The following IGSF11 variants were observed in gnomAD, a reference collection of about 807,000 sequenced individuals.
IGSF11 encodes the protein CXADR like 1.
In IGSF11, 22 loss-of-function variants were observed where a neutral mutation model predicts 41.0. The observed-to-expected ratio is 0.54, with a 90% confidence interval of 0.38 to 0.77. IGSF11 has a LOEUF of 0.77. Among genes scored for constraint, IGSF11 ranks in the 30% least tolerant of loss-of-function variants. The pLI, the probability that IGSF11 is intolerant of heterozygous loss-of-function variation, is 0.00. For synonymous variants in IGSF11, 219 were observed against 201.3 expected (o/e 1.09, Z -0.74); for missense variants, 444 against 530.8 (o/e 0.84, Z 1.61).
At chr3:119,067,916 T>A (rs1942282288) in intron 1 of IGSF11, among the ~76,000 whole-genome samples, 1 of 152,186 alleles carries the variant, frequency 6.6e-6, no homozygotes. Flanking sequence ...TATTTGTAAT[T>A]TATCTGGCCA....
chr3:119,031,296 T>C (rs1168369220), intron 1 of IGSF11, among the ~76,000 whole-genome samples: 2 of 150,236 alleles, frequency 1.3e-5, no homozygotes, highest in African/African-American at 4.9e-5. Context: ...TAAGTAGTTA[T>C]GGATGAAAAG....
Position 119,126,417 on chromosome 3 carries a change from C to A in IGSF11, c.-14+19396G>T, listed in dbSNP as rs534013091. ...AGGGGAGGGATGGCTGCAGTCTCTG[C>A]AGACCAGCAAACTTAGCTGATCCTC... On this transcript the variant is annotated intron_variant, in intron 1 of 7. Coordinates refer to the IGSF11 transcript ENST00000425327. 3.3e-5 allele frequency among the ~76,000 whole-genome samples: 5 copies of A among 152,356 alleles called. No homozygotes were observed. In the East Asian group the frequency reaches 7.7e-4, roughly 24 times the overall value.
Position 118,930,134 on chromosome 3 carries a change from G to A in IGSF11, c.194C>T (p.Ser65Phe). 6.2e-7 allele frequency: 1 copy of A among 1,613,702 alleles called. No individual in the cohort carries two copies. The highest frequency in any genetic ancestry group is 8.5e-7 in the Non-Finnish European group (1 of 1,179,776). The change falls in exon 2 of 7, where the codon TCC (serine) becomes TTC (phenylalanine). Residue 65 changes from serine to phenylalanine, a missense_variant. Transcript: ENST00000393775. ...TACCTGTTCAGGTTGGTTGGCATTG[G>A]AGAGAGGAGTGACCATCCAAATGAC... ...LNVIWMVTPL[S>F]NANQPEQVIL...
chr3:118,941,746 AACAATTGTG>A (rs1482249327), intron 1 of IGSF11, among the ~76,000 whole-genome samples: 2 of 152,226 alleles, frequency 1.3e-5, no homozygotes, highest in African/African-American at 4.8e-5. Context: ...AAATGGATAA[AACAATTGTG>A]ACACAGCCAT....
intron 1 of IGSF11, among the ~76,000 whole-genome samples, chr3:119,093,111 C>A (rs796115664): frequency 2.9e-4 from 44 of 152,132 alleles, no homozygotes; most frequent in Admixed American, 1.4e-3. Flanking sequence ...TCAACACACA[C>A]AAAAAAATAA....
At chr3:118,997,241 G>A (rs1185297738) in intron 1 of IGSF11, among the ~76,000 whole-genome samples, 1 of 152,154 alleles carries the variant, frequency 6.6e-6, no homozygotes, top group Non-Finnish European at 1.5e-5. Flanking sequence ...ACTATTTCAG[G>A]ACTAAATAAG....
In IGSF11 at chr3:118,930,213, G is replaced by T. The variant is rs2903250; in HGVS notation, c.115C>A (p.Pro39Thr). 0.81 allele frequency: 1,307,669 copies of T among 1,613,618 alleles called. 531,754 individuals are homozygous for T. The highest frequency in any genetic ancestry group is 0.96 in the African/African-American group (71,852 of 75,004). ...GTGAAAGTGCAGGGCAGGACTGCTG[G>T]CTGACCCCGGGCCACCTGGATACTC... ...PGSIQVARGQ[P>T]AVLPCTFTTS... Residue 39 changes from proline (P) to threonine (T), a missense_variant, in exon 2 of 7, where the codon CCA (proline) becomes ACA (threonine). Around this residue, in one of 3 missense-constraint regions of IGSF11, gnomAD observed 193 missense variants for 283.5 expected, o/e 0.68. Coordinates refer to ENST00000393775, the MANE Select transcript of IGSF11 (RefSeq NM_001015887.3).
intron 1 of IGSF11, among the ~76,000 whole-genome samples, chr3:119,023,808 G>A (rs1035796036): frequency 5.3e-5 from 8 of 152,188 alleles, no homozygotes; most frequent in South Asian, 2.1e-4. Flanking sequence ...AATCTGAGCT[G>A]AGAACTCAAA....
chr3:119,119,854 G>A (rs890450575), intron 1 of IGSF11, among the ~76,000 whole-genome samples: 2 of 152,122 alleles, frequency 1.3e-5, no homozygotes, highest in African/African-American at 4.8e-5. Context: ...TGTTAGTTGG[G>A]GCAAAGAAGA....
intron 1 of IGSF11, among the ~76,000 whole-genome samples, chr3:119,131,770 T>C (rs536469864): frequency 6.6e-6 from 1 of 152,020 alleles, no homozygotes; most frequent in African/African-American, 2.4e-5. Flanking sequence ...AAGGTTGAAA[T>C]GAAGGGAAAA....
At chr3:119,079,807 T>C (rs1329244044) in intron 1 of IGSF11, among the ~76,000 whole-genome samples, 1 of 152,204 alleles carries the variant, frequency 6.6e-6, no homozygotes, top group African/African-American at 2.4e-5. Context: ...CCGCATGTTC[T>C]CTTCTGCAAG....
chr3:118,930,863 C>T lies in IGSF11; in HGVS notation c.53-588G>A, dbSNP rs77777503. On this transcript the variant is annotated intron_variant, in intron 1 of 6. Coordinates refer to ENST00000393775, the MANE Select transcript of IGSF11 (RefSeq NM_001015887.3). ...AGTCAAAATCCCAGTAGTCTTTTTG[C>T]AAATGTTGACAAATTCTAAAAAATA... Among the ~76,000 whole-genome samples the T allele has an allele frequency of 5.1e-4, 78 of 152,212 alleles. 1 individual carries two copies. The East Asian group carries it at 0.014, about 27-fold the overall frequency.
At chr3:118,964,081 CA>C (rs1945514294) in intron 1 of IGSF11, among the ~76,000 whole-genome samples, 1 of 152,160 alleles carries the variant, frequency 6.6e-6, no homozygotes, top group African/African-American at 2.4e-5. Flanking sequence ...TACCCATCCC[CA>C]CCCCCAAAGT....
intron 1 of IGSF11, among the ~76,000 whole-genome samples, chr3:118,999,815 T>C (rs1936631570): frequency 6.6e-6 from 1 of 152,126 alleles, no homozygotes; most frequent in African/African-American, 2.4e-5. Flanking sequence ...TAAAAAATAA[T>C]TCATAGAGCA....
chr3:119,102,045 G>A (rs1338443032), intron 1 of IGSF11, among the ~76,000 whole-genome samples: 1 of 151,816 alleles, frequency 6.6e-6, no homozygotes, highest in African/African-American at 2.4e-5. Flanking sequence ...TCCATCTTTT[G>A]TTTGTTCTAT....
At position 119,034,696 on chromosome 3, in the gene IGSF11, C is replaced by A; in HGVS notation, c.-114G>T. 1 of 1,388,664 alleles carries A rather than the reference C, an allele frequency of 7.2e-7. No individual in the cohort carries two copies. Among genetic ancestry groups the A allele is most frequent in the South Asian group, 1.6e-5 (1 of 61,094 alleles). The allele number at this position is 1,388,664 out of a possible 1,614,324, so 86.0% of individuals were successfully genotyped here. A position where few individuals can be genotyped will look rare whatever the true frequency, so the allele number is the denominator to read the frequency against. ...CAGCCTGGTCCTCCCACACCCAGCG[C>A]CGGGCCGCTGTTCCCCGCGCAGAGC... is the stretch of plus-strand genomic sequence containing the variant. On this transcript the variant is annotated 5_prime_UTR_variant, in exon 1 of 7. Transcript: ENST00000393775.
chr3:119,007,296 G>A (rs1212301797), intron 1 of IGSF11, among the ~76,000 whole-genome samples: 1 of 139,764 alleles, frequency 7.2e-6, no homozygotes, highest in Admixed American at 7.0e-5. Context: ...CTTCCCAGGT[G>A]AGGCAATGCC....
intron 1 of IGSF11, among the ~76,000 whole-genome samples, chr3:119,064,474 C>T (rs192236596): frequency 1.9e-3 from 287 of 150,786 alleles, no homozygotes; most frequent in African/African-American, 6.8e-3. Flanking sequence ...TAGTGTAAGT[C>T]CTCCAGCTTT....
At chr3:118,912,774 C>A (rs1468738) in intron 4 of IGSF11, among the ~76,000 whole-genome samples, 125,994 of 152,200 alleles carry the variant, frequency 0.83, 52,660 homozygotes, top group African/African-American at 0.95. Flanking sequence ...AGTATGCTTA[C>A]AATTATTAAA....
Sources: gnomAD v4.1 joint callset for allele counts (sites outside exome capture counted in the v4.1 genomes callset) on GRCh38, gnomAD v4.1.1 for gene constraint, gnomAD v4.1.1 regional missense constraint, MANE v1.5 for transcripts, NCBI Gene and HGNC (gene_info 2026-07-23, HGNC 2026-07-21) for gene names.